Variants in RBFOX1 observed in about 807,000 individuals in gnomAD.
The protein encoded by RBFOX1 is RNA binding fox-1 homolog 1.
In RBFOX1, 8 loss-of-function variants were observed where a neutral mutation model predicts 57.7. The ratio of observed to expected loss-of-function variants is 0.14; its 90% CI spans 0.08 to 0.25. The LOEUF (loss-of-function observed/expected upper bound fraction) is 0.25. Ranked by LOEUF, RBFOX1 falls within the 10% of genes least tolerant of loss-of-function variation. The pLI is 1.00. For missense variants in RBFOX1, 611 were observed against 548.5 expected, an observed-to-expected ratio of 1.11 and a Z score of -1.14; for synonymous variants, 326 against 222.4, an observed-to-expected ratio of 1.47 and a Z score of -4.15.
At chr16:7,676,909 G>T in intron 14 of RBFOX1, 71 bp downstream of exon 14, 1 of 1,459,866 alleles carries the variant, frequency 6.8e-7, no homozygotes, top group Non-Finnish European at 9.6e-7. Flanking sequence ...GGAGATTCTT[G>T]TATGGTCTTG....
intron 1 of RBFOX1, among the ~76,000 whole-genome samples, chr16:6,226,109 C>A (rs942080477): frequency 7.3e-5 from 11 of 151,142 alleles, no homozygotes; most frequent in Non-Finnish European, 1.6e-4. Flanking sequence ...CCTGTAATCC[C>A]AGCACTTTGG....
chr16:7,695,028 TAAGA>T (rs2078349620), intron 14 of RBFOX1, among the ~76,000 whole-genome samples: 1 of 152,194 alleles, frequency 6.6e-6, no homozygotes, highest in South Asian at 2.1e-4. Context: ...ACAATATTTC[TAAGA>T]AAGGCGACAG....
intron 4 of RBFOX1, among the ~76,000 whole-genome samples, chr16:7,498,206 A>G (rs1438223091): frequency 3.3e-5 from 5 of 152,146 alleles, no homozygotes; most frequent in Non-Finnish European, 7.3e-5. Context: ...TTCTGGATAT[A>G]TCTCCATAAG....
At chr16:7,139,124 C>A (rs980239077) in intron 4 of RBFOX1, among the ~76,000 whole-genome samples, 27 of 150,486 alleles carry the variant, frequency 1.8e-4, no homozygotes, top group African/African-American at 6.6e-4. Context: ...TTTTGATATT[C>A]TTACCAGTGT....
At chr16:6,211,964 C>G (rs1348651313) in intron 1 of RBFOX1, among the ~76,000 whole-genome samples, 3 of 152,014 alleles carry the variant, frequency 2.0e-5, no homozygotes, top group Non-Finnish European at 2.9e-5. Flanking sequence ...ATTCTCATGT[C>G]TCAGCCTCCA....
chr16:5,413,006 G>A (rs1047897152), intron 1 of RBFOX1, among the ~76,000 whole-genome samples: 1 of 152,218 alleles, frequency 6.6e-6, no homozygotes, highest in Non-Finnish European at 1.5e-5. Flanking sequence ...CCTTCCTGGT[G>A]ACAGCTCTGG....
intron 3 of RBFOX1, among the ~76,000 whole-genome samples, chr16:5,661,211 C>T (rs1330447683): frequency 6.6e-6 from 1 of 152,074 alleles, no homozygotes; most frequent in Non-Finnish European, 1.5e-5. Flanking sequence ...TTATTTATTA[C>T]AAACATTCCA....
chr16:6,272,343 C>A lies in RBFOX1; in HGVS notation c.-126-44652C>A, dbSNP rs182285410. ...ACACCTACAGCTGACATGCTGATAC[C>A]ACAATTAAAAATGCAATGTCATGTA... On this transcript the variant is annotated intron_variant, in intron 1 of 15. Coordinates refer to ENST00000550418, the MANE Select transcript of RBFOX1 (RefSeq NM_018723.4). Among the ~76,000 whole-genome samples, 13 of 152,186 alleles carry A rather than the reference C, an allele frequency of 8.5e-5. No individual in the cohort carries two copies. In the East Asian group the frequency reaches 2.5e-3, roughly 29 times the overall value.
intron 3 of RBFOX1, among the ~76,000 whole-genome samples, chr16:5,844,873 C>G (rs573952565): frequency 6.6e-6 from 1 of 152,052 alleles, no homozygotes; most frequent in Admixed American, 6.6e-5. Flanking sequence ...ATGACCCATT[C>G]CAAAAAGAAA....
At chr16:6,923,957 G>T (rs752852984) in intron 3 of RBFOX1, among the ~76,000 whole-genome samples, 7 of 152,040 alleles carry the variant, frequency 4.6e-5, no homozygotes, top group Admixed American at 2.0e-4. Context: ...ATCACCTGAA[G>T]TTAGGAGTTT....
chr16:6,426,237 A>G (rs1331979887), intron 2 of RBFOX1, among the ~76,000 whole-genome samples: 2 of 151,904 alleles, frequency 1.3e-5, no homozygotes, highest in Non-Finnish European at 2.9e-5. Flanking sequence ...ATAGACAAAC[A>G]TAGAAAGGCA....
chr16:5,286,201 A>G (rs201672098), intron 1 of RBFOX1, among the ~76,000 whole-genome samples: 1 of 152,146 alleles, frequency 6.6e-6, no homozygotes, highest in African/African-American at 2.4e-5. Flanking sequence ...TGGGCAGTGT[A>G]TGTGGGCACT....
intron 3 of RBFOX1, among the ~76,000 whole-genome samples, chr16:6,936,784 G>A (rs1407964365): frequency 6.6e-6 from 1 of 152,024 alleles, no homozygotes; most frequent in Non-Finnish European, 1.5e-5. Flanking sequence ...TAAAATTGTT[G>A]CCTCTTGAAA....
At chr16:5,530,989 G>T (rs946212114) in intron 2 of RBFOX1, among the ~76,000 whole-genome samples, 2 of 147,098 alleles carry the variant, frequency 1.4e-5, no homozygotes, top group African/African-American at 5.0e-5. Flanking sequence ...GCCAGGCTTG[G>T]TGGCAGGCAC....
intron 1 of RBFOX1, among the ~76,000 whole-genome samples, chr16:5,266,038 G>T (rs1357507937): frequency 7.5e-6 from 1 of 133,668 alleles, no homozygotes; most frequent in South Asian, 2.3e-4. Flanking sequence ...AAGGCACCAG[G>T]CTGATTAAAA....
chr16:7,259,789 T>G (rs533662297), intron 4 of RBFOX1, among the ~76,000 whole-genome samples: 2 of 152,244 alleles, frequency 1.3e-5, no homozygotes, highest in South Asian at 4.1e-4. Context: ...AGGGAAATGT[T>G]TTCTTAAAAA....
At chr16:7,218,172 C>G (rs930560105) in intron 4 of RBFOX1, among the ~76,000 whole-genome samples, 4 of 152,072 alleles carry the variant, frequency 2.6e-5, no homozygotes, top group African/African-American at 9.7e-5. Context: ...ACCCTATGAT[C>G]CTTTGCCTGA....
chr16:6,690,095 T>C (rs903909202), intron 3 of RBFOX1, among the ~76,000 whole-genome samples: 1 of 152,228 alleles, frequency 6.6e-6, no homozygotes, highest in African/African-American at 2.4e-5. Flanking sequence ...TTGGGAATTA[T>C]CCGTGAGTGA....
At chr16:5,263,988 A>C (rs577694851) in intron 1 of RBFOX1, among the ~76,000 whole-genome samples, 1 of 152,188 alleles carries the variant, frequency 6.6e-6, no homozygotes, top group Non-Finnish European at 1.5e-5. Flanking sequence ...AAGGCAAGTC[A>C]TCAATGGGGT....
Sources: allele counts gnomAD v4.1 joint callset (sites outside exome capture counted in the v4.1 genomes callset), GRCh38; gene constraint gnomAD v4.1.1; transcripts MANE v1.5; gene names NCBI Gene and HGNC (gene_info 2026-07-23, HGNC 2026-07-21).